Variants in COL21A1 observed in about 807,000 individuals in gnomAD.
The protein encoded by COL21A1 is collagen alpha-1(XXI) chain.
In COL21A1, 149 loss-of-function variants were observed where a neutral mutation model predicts 137.9. That is an observed-to-expected ratio of 1.08 (90% CI 0.95 to 1.24). COL21A1 has a LOEUF of 1.24. Ranked by LOEUF, COL21A1 falls within the 50% of genes most tolerant of loss-of-function variation. The probability of loss-of-function intolerance (pLI) is 0.00; values close to 1 mark genes in which losing one functional copy is unlikely to be tolerated. For synonymous variants in COL21A1, 456 were observed against 391.5 expected (o/e 1.16, Z -1.95); for missense variants, 1,167 against 1,158.4 (o/e 1.01, Z -0.11).
intron 1 of COL21A1, among the ~76,000 whole-genome samples, chr6:56,296,685 G>T (rs1378749641): frequency 6.6e-6 from 1 of 151,896 alleles, no homozygotes; most frequent in African/African-American, 2.4e-5. Flanking sequence ...CATGTCAGAA[G>T]AAATATACAA....
At chr6:56,291,912 A>G (rs1345858917) in intron 1 of COL21A1, among the ~76,000 whole-genome samples, 1 of 152,192 alleles carries the variant, frequency 6.6e-6, no homozygotes, top group Non-Finnish European at 1.5e-5. Flanking sequence ...TGGTGCCTGT[A>G]ATCCCAGCAC....
chr6:56,187,089 T>C (rs1450921657), intron 1 of COL21A1, among the ~76,000 whole-genome samples: 1 of 152,182 alleles, frequency 6.6e-6, no homozygotes, highest in Non-Finnish European at 1.5e-5. Context: ...TTTTTTATAG[T>C]TCTGAAGGCT....
At chr6:56,309,045 CT>C (rs71809650) in intron 1 of COL21A1, among the ~76,000 whole-genome samples, 48,827 of 145,858 alleles carry the variant, frequency 0.33, 8,872 homozygotes, top group East Asian at 0.6. Flanking sequence ...CCTCAATTAT[CT>C]TTTTTTTTTT....
intron 1 of COL21A1, among the ~76,000 whole-genome samples, chr6:56,284,128 A>C (rs966062864): frequency 6.6e-6 from 1 of 152,020 alleles, no homozygotes; most frequent in Non-Finnish European, 1.5e-5. Flanking sequence ...GTTCGTTGCA[A>C]CCTCCACCTC....
At chr6:56,153,771 T>A (rs1489282114) in intron 10 of COL21A1, among the ~76,000 whole-genome samples, 1 of 152,128 alleles carries the variant, frequency 6.6e-6, no homozygotes, top group Non-Finnish European at 1.5e-5. Flanking sequence ...CTTCCCTGGT[T>A]TTCCTCCCAT....
At chr6:56,364,669 A>T (rs1766055848) in intron 1 of COL21A1, among the ~76,000 whole-genome samples, 1 of 152,064 alleles carries the variant, frequency 6.6e-6, no homozygotes. Context: ...CTTTAGGGCA[A>T]CAATTTACTT....
intron 20 of COL21A1, among the ~76,000 whole-genome samples, chr6:56,072,435 T>TGCC (rs1422415466): frequency 6.6e-6 from 1 of 151,554 alleles, no homozygotes; most frequent in Non-Finnish European, 1.5e-5. Context: ...TCTAAAGATC[T>TGCC]GCCTCAGTTT....
At chr6:56,349,813 C>G (rs1346502783) in intron 1 of COL21A1, among the ~76,000 whole-genome samples, 3 of 152,126 alleles carry the variant, frequency 2.0e-5, no homozygotes, top group Admixed American at 2.0e-4. Context: ...AGCAAACAAC[C>G]TAGAAATCTC....
chr6:56,316,046 T>C lies in COL21A1; in HGVS notation c.-39+77925A>G, dbSNP rs562249981. On this transcript the variant is annotated intron_variant, in intron 1 of 28. Coordinates refer to the COL21A1 transcript ENST00000370819. ...GAGAACAAAACACACCTATGCTAAT[T>C]GCTATGCCATTGCTAACCAATTTTC... is the stretch of plus-strand genomic sequence containing the variant. 4.6e-5 allele frequency among the ~76,000 whole-genome samples: 7 copies of C among 152,334 alleles called. No individual in the cohort carries two copies. In the East Asian group the frequency reaches 1.3e-3, roughly 29 times the overall value.
chr6:56,286,444 C>T (rs1417792814), intron 1 of COL21A1, among the ~76,000 whole-genome samples: 1 of 152,136 alleles, frequency 6.6e-6, no homozygotes, highest in Non-Finnish European at 1.5e-5. Context: ...CACACATACA[C>T]TCATATATGC....
intron 12 of COL21A1, among the ~76,000 whole-genome samples, chr6:56,127,791 G>T (rs974192474): frequency 2.0e-4 from 31 of 152,276 alleles, no homozygotes; most frequent in African/African-American, 7.2e-4. Flanking sequence ...GGGATGGTAG[G>T]ACTGGTGCAG....
At chr6:56,200,893 T>G (rs1340730025) in intron 1 of COL21A1, among the ~76,000 whole-genome samples, 3 of 152,162 alleles carry the variant, frequency 2.0e-5, no homozygotes, top group African/African-American at 7.2e-5. Flanking sequence ...ACTTCCACAA[T>G]GGTTGAACTA....
chr6:56,283,290 T>C (rs568286903), intron 1 of COL21A1, among the ~76,000 whole-genome samples: 2 of 151,980 alleles, frequency 1.3e-5, no homozygotes, highest in South Asian at 4.1e-4. Context: ...TATAAATAAA[T>C]GTATTAGAAT....
intron 1 of COL21A1, among the ~76,000 whole-genome samples, chr6:56,341,037 G>A (rs1765457381): frequency 6.6e-6 from 1 of 152,144 alleles, no homozygotes; most frequent in Admixed American, 6.5e-5. Flanking sequence ...GAGTCATAAC[G>A]TTTGTGGTCT....
chr6:56,358,841 T>C (rs976489311), intron 1 of COL21A1, among the ~76,000 whole-genome samples: 1 of 152,210 alleles, frequency 6.6e-6, no homozygotes, highest in Non-Finnish European at 1.5e-5. Context: ...ATGCACGTTA[T>C]GGTCAAATGG....
chr6:56,165,911 C>CACACACACACAT (rs1310686841), intron 7 of COL21A1, among the ~76,000 whole-genome samples: 41 of 88,154 alleles, frequency 4.7e-4, no homozygotes, highest in African/African-American at 1.9e-3. Context: ...ATTGATTACA[C>CACACACACACAT]ACACACACAC....
intron 9 of COL21A1, among the ~76,000 whole-genome samples, chr6:56,161,012 A>G (rs1468180652): frequency 1.3e-5 from 2 of 151,732 alleles, no homozygotes; most frequent in Non-Finnish European, 2.9e-5. Context: ...CCCAAGTACC[A>G]CTCCCTGAAT....
intron 1 of COL21A1, among the ~76,000 whole-genome samples, chr6:56,325,932 AATATATATTATAT>A: frequency 1.8e-5 from 1 of 56,452 alleles, no homozygotes; most frequent in African/African-American, 8.0e-5. Flanking sequence ...TAATATATAT[AATATATATTATAT>A]ATTATATAAT....
At chr6:56,166,619 C>G (rs1776598909) in intron 7 of COL21A1, among the ~76,000 whole-genome samples, 1 of 152,202 alleles carries the variant, frequency 6.6e-6, no homozygotes, top group South Asian at 2.1e-4. Flanking sequence ...CCACTGCACT[C>G]CAGCCTGGGC....
Sources: gnomAD v4.1 joint callset for allele counts (sites outside exome capture counted in the v4.1 genomes callset) on GRCh38, gnomAD v4.1.1 for gene constraint, MANE v1.5 for transcripts, NCBI Gene and HGNC (gene_info 2026-07-23, HGNC 2026-07-21) for gene names.